Variants in AGPAT4 observed in about 807,000 individuals in gnomAD.
AGPAT4 encodes 1-acylglycerol-3-phosphate O-acyltransferase 4.
A neutral mutation model predicts 48.0 loss-of-function variants in AGPAT4; 15 were observed. That is an observed-to-expected ratio of 0.31 (90% confidence interval 0.21 to 0.48). The LOEUF (loss-of-function observed/expected upper bound fraction) is 0.48, where lower values mean the gene tolerates loss of function less well. AGPAT4 is among the 20% of genes least tolerant of loss of function. The probability of loss-of-function intolerance (pLI) is 0.99; values close to 1 mark genes in which losing one functional copy is unlikely to be tolerated. For missense variants in AGPAT4, 314 were observed against 482.5 expected, an observed-to-expected ratio of 0.65 and a Z score of 3.27; for synonymous variants, 178 against 198.7, an observed-to-expected ratio of 0.90 and a Z score of 0.88.
rs982396401 is a variant in AGPAT4 at position 161,184,361 on chromosome 6, T to C, written c.179-17944A>G. On this transcript the variant is annotated intron_variant, in intron 2 of 8. Coordinates refer to ENST00000320285, the MANE Select transcript of AGPAT4 (RefSeq NM_020133.3). This position sits in a 1 kb window ranked among gnomAD's most constrained non-coding sequence, Gnocchi z 4.8. ...ACAGAGGAGAATTCAGGAGTGAAGCTAAGGTTTTTGTCCTGAATAGCTGGG... is the reference window on the plus strand; with the variant it reads ...ACAGAGGAGAATTCAGGAGTGAAGCCAAGGTTTTTGTCCTGAATAGCTGGG... Among the ~76,000 whole-genome samples the C allele has an allele frequency of 2.0e-5, 3 of 152,040 alleles. No homozygotes were observed. Among genetic ancestry groups the C allele is most frequent in the Non-Finnish European group, 4.4e-5 (3 of 68,006 alleles).
rs1020514354 is a variant in AGPAT4 at position 161,223,657 on chromosome 6, G to A, written c.178+8379C>T. 2.0e-5 allele frequency among the ~76,000 whole-genome samples: 3 copies of A among 152,120 alleles called. No homozygotes were observed. Among genetic ancestry groups the A allele is most frequent in the African/African-American group, 7.2e-5 (3 of 41,424 alleles). ...GCTTCTCTTTTTATTCCATAGCCCCGTGGAGTGGCACCTCAGAGGCCACAG... is the reference window on the plus strand; with the variant it reads ...GCTTCTCTTTTTATTCCATAGCCCCATGGAGTGGCACCTCAGAGGCCACAG... On this transcript the variant is annotated intron_variant, in intron 2 of 8. Transcript: ENST00000320285. The surrounding 1 kb of genome is among the most constrained non-coding windows in gnomAD (Gnocchi z 6.3).
chr6:161,181,647 G>A (rs1780595867), intron 2 of AGPAT4, among the ~76,000 whole-genome samples: 1 of 152,150 alleles, frequency 6.6e-6, no homozygotes, highest in African/African-American at 2.4e-5. Context: ...GCACGATCAT[G>A]GCTCACTGCA....
intron 2 of AGPAT4, among the ~76,000 whole-genome samples, chr6:161,181,657 A>C (rs1780596227): frequency 6.6e-6 from 1 of 152,120 alleles, no homozygotes; most frequent in South Asian, 2.1e-4. Context: ...GGCTCACTGC[A>C]ATCTCTGCAA....
In AGPAT4 at chr6:161,272,580, T is replaced by C. The variant is rs564801429; in HGVS notation, c.-90+1358A>G. On this transcript the variant is annotated intron_variant, in intron 1 of 8. Coordinates refer to ENST00000320285, the MANE Select transcript of AGPAT4 (RefSeq NM_020133.3). This position sits in a 1 kb window ranked among gnomAD's most constrained non-coding sequence, Gnocchi z 4.2. ...GCTTATTACTAAGTAGATAATAATT[T>C]TCTCATTTCATATTTTTTCTGAATA... Among the ~76,000 whole-genome samples the C allele has an allele frequency of 3.3e-5, 5 of 152,244 alleles. No individual in the cohort carries two copies. The highest frequency in any genetic ancestry group is 1.2e-4 in the African/African-American group (5 of 41,526).
rs1394489446 is a variant in AGPAT4, at chr6:161,201,972, C to CCACT, written c.178+30060_178+30063dup. Reference sequence around the variant, plus strand: ...CAGTAAGAAAGATGCTTACTAAAGGCCACTATAAGCCATTTAAGACTTATC... The same window carrying CCACT: ...CAGTAAGAAAGATGCTTACTAAAGGCCACTCACTATAAGCCATTTAAGACTTATC... On this transcript the variant is annotated intron_variant, in intron 2 of 8. Coordinates refer to ENST00000320285, the MANE Select transcript of AGPAT4 (RefSeq NM_020133.3). The surrounding 1 kb of genome is among the most constrained non-coding windows in gnomAD (Gnocchi z 6.0). Among the ~76,000 whole-genome samples the CCACT allele has an allele frequency of 6.6e-6, 1 of 152,148 alleles. No individual in the cohort carries two copies. Among genetic ancestry groups the CCACT allele is most frequent in the East Asian group, 1.9e-4 (1 of 5,196 alleles).
chr6:161,232,474 T>G lies in AGPAT4; in HGVS notation c.-89-172A>C, dbSNP rs1782147906. ...AGTGCTTACTTCCTGTCGAGCATAG[T>G]CTAAGCCCTTTAACAATAATCCTTC... is the stretch of plus-strand genomic sequence containing the variant. On this transcript the variant is annotated intron_variant, in intron 1 of 8. Transcript: ENST00000320285. This position sits in a 1 kb window ranked among gnomAD's most constrained non-coding sequence, Gnocchi z 6.8. Among the ~76,000 whole-genome samples, 1 of 152,202 alleles carries G rather than the reference T, an allele frequency of 6.6e-6. No individual in the cohort carries two copies. Among genetic ancestry groups the G allele is most frequent in the Non-Finnish European group, 1.5e-5 (1 of 68,044 alleles).
rs1280031131 is a variant in AGPAT4, at chr6:161,134,254, C to T, written c.*2286G>A. ...CATTCCTCCAGCCTGGAACCCAAGG[C>T]CCTAGCAGGCAGGCTGTTTGCTTGC... On this transcript the variant is annotated 3_prime_UTR_variant, in exon 9 of 9. Coordinates refer to ENST00000320285, the MANE Select transcript of AGPAT4 (RefSeq NM_020133.3). 6.6e-6 allele frequency: 1 copy of T among 152,126 alleles called. No individual in the cohort carries two copies. The highest frequency in any genetic ancestry group is 1.5e-5 in the Non-Finnish European group (1 of 68,026). 9.4% of individuals were successfully genotyped at this position (152,126 alleles called of 1,614,324 possible).
chr6:161,150,119 T>A (rs11965825), intron 5 of AGPAT4, among the ~76,000 whole-genome samples: 2 of 152,080 alleles, frequency 1.3e-5, no homozygotes. Context: ...AGGAATTGGA[T>A]TGTAGTCAGT....
At position 161,159,573 on chromosome 6, in the gene AGPAT4, G is replaced by C. The variant is rs976589499; in HGVS notation, c.349-5263C>G. On this transcript the variant is annotated intron_variant, in intron 3 of 8. Transcript: ENST00000320285. The surrounding 1 kb of genome is among the most constrained non-coding windows in gnomAD (Gnocchi z 4.1). The stretch of plus-strand genomic sequence containing the variant: ...TTATAGCAAAATGCAGAAAAGACTG[G>C]AGCTCAAAATAATGAATCAGTTTGT... Among the ~76,000 whole-genome samples, 1 of 152,158 alleles carries C rather than the reference G, an allele frequency of 6.6e-6. No individual in the cohort carries two copies. Among genetic ancestry groups the C allele is most frequent in the Non-Finnish European group, 1.5e-5 (1 of 68,042 alleles).
At position 161,146,752 on chromosome 6, in the gene AGPAT4, G is replaced by A. The variant is rs1449611591; in HGVS notation, c.768-153C>T. Among the ~76,000 whole-genome samples, 2 of 152,158 alleles carry A rather than the reference G, an allele frequency of 1.3e-5. No individual in the cohort carries two copies. The highest frequency in any genetic ancestry group is 6.5e-5 in the Admixed American group (1 of 15,280). Reference sequence around the variant, plus strand: ...AATGCAAGTGATAGAAAGAAGGGGCGTTCCACATCCACACTGGAGAAACAG... The same window carrying A: ...AATGCAAGTGATAGAAAGAAGGGGCATTCCACATCCACACTGGAGAAACAG... On this transcript the variant is annotated intron_variant, in intron 6 of 8. Coordinates refer to ENST00000320285, the MANE Select transcript of AGPAT4 (RefSeq NM_020133.3). This position sits in a 1 kb window ranked among gnomAD's most constrained non-coding sequence, Gnocchi z 7.1.
chr6:161,237,493 T>C (rs1782321045), intron 1 of AGPAT4, among the ~76,000 whole-genome samples: 1 of 152,154 alleles, frequency 6.6e-6, no homozygotes, highest in African/African-American at 2.4e-5. Context: ...GGGGGTTAAA[T>C]ACATAGGGGA....
chr6:161,146,388 G>T lies in AGPAT4; in HGVS notation c.843+136C>A. 1.4e-6 allele frequency: 1 copy of T among 701,944 alleles called. No homozygotes were observed. Among genetic ancestry groups the T allele is most frequent in the East Asian group, 2.6e-5 (1 of 38,278 alleles). 43.5% of individuals were successfully genotyped at this position (701,944 alleles called of 1,614,324 possible). A position where few individuals can be genotyped will look rare whatever the true frequency, so the allele number is the denominator to read the frequency against. On this transcript the variant is annotated intron_variant, in intron 7 of 8. Coordinates refer to ENST00000320285, the MANE Select transcript of AGPAT4 (RefSeq NM_020133.3). The surrounding 1 kb of genome is among the most constrained non-coding windows in gnomAD (Gnocchi z 7.1). ...GTCATGTTCTTCATTGCCAAGAGAG[G>T]GTCAGCTCCAGACTCACTAATAACT...
chr6:161,201,195 G>A lies in AGPAT4; in HGVS notation c.178+30841C>T, dbSNP rs1035012938. 6.6e-6 allele frequency among the ~76,000 whole-genome samples: 1 copy of A among 152,148 alleles called. No homozygotes were observed. The highest frequency in any genetic ancestry group is 1.5e-5 in the Non-Finnish European group (1 of 68,044). On this transcript the variant is annotated intron_variant, in intron 2 of 8. Coordinates refer to ENST00000320285, the MANE Select transcript of AGPAT4 (RefSeq NM_020133.3). This position sits in a 1 kb window ranked among gnomAD's most constrained non-coding sequence, Gnocchi z 6.0. ...ATGAGCTGGCAGGGGAGTGGGGATT[G>A]GAGGCTGTTCAAGAGAGACTTAATT...
chr6:161,242,187 G>A lies in AGPAT4; in HGVS notation c.-89-9885C>T, dbSNP rs985598200. Reference sequence around the variant, plus strand: ...TTCTCACATTATAGATGCGAAAACCGAGGTTTAGTTAGAGGAGGTGAAGTG... The same window carrying A: ...TTCTCACATTATAGATGCGAAAACCAAGGTTTAGTTAGAGGAGGTGAAGTG... On this transcript the variant is annotated intron_variant, in intron 1 of 8. Coordinates refer to ENST00000320285, the MANE Select transcript of AGPAT4 (RefSeq NM_020133.3). This position sits in a 1 kb window ranked among gnomAD's most constrained non-coding sequence, Gnocchi z 5.0. 6.6e-6 allele frequency among the ~76,000 whole-genome samples: 1 copy of A among 152,200 alleles called. No homozygotes were observed. Among genetic ancestry groups the A allele is most frequent in the Admixed American group, 6.5e-5 (1 of 15,278 alleles).
Position 161,132,065 on chromosome 6 carries a change from T to C in AGPAT4, c.*4475A>G, listed in dbSNP as rs1778917934. Reference sequence around the variant, plus strand: ...TGTGCTGGCTTGGGGGATCCTGTGATGACTGGAACCTGGGCCTTCATTACG... The same window carrying C: ...TGTGCTGGCTTGGGGGATCCTGTGACGACTGGAACCTGGGCCTTCATTACG... On this transcript the variant is annotated 3_prime_UTR_variant, in exon 9 of 9. Coordinates refer to ENST00000320285, the MANE Select transcript of AGPAT4 (RefSeq NM_020133.3). 6.6e-6 allele frequency: 1 copy of C among 151,676 alleles called. No homozygotes were observed. The highest frequency in any genetic ancestry group is 6.6e-5 in the Admixed American group (1 of 15,058). 9.4% of individuals were successfully genotyped at this position (151,676 alleles called of 1,614,324 possible).
At position 161,136,452 on chromosome 6, in the gene AGPAT4, C is replaced by G. The variant is rs1779068495; in HGVS notation, c.*88G>C. 1 of 1,272,034 alleles carries G rather than the reference C, an allele frequency of 7.9e-7. No individual in the cohort carries two copies. The highest frequency in any genetic ancestry group is 1.5e-5 in the African/African-American group (1 of 68,590). 78.8% of individuals were successfully genotyped at this position (1,272,034 alleles called of 1,614,324 possible). A position where few individuals can be genotyped will look rare whatever the true frequency, so the allele number is the denominator to read the frequency against. The stretch of plus-strand genomic sequence containing the variant: ...CCGCCGTGCCCAGCAGGGGCTCACC[C>G]AGCCTTTGTCACCGTGTCCCACTAA... On this transcript the variant is annotated 3_prime_UTR_variant, in exon 9 of 9. Coordinates refer to ENST00000320285, the MANE Select transcript of AGPAT4 (RefSeq NM_020133.3).
At chr6:161,193,898 G>A (rs1351651014) in intron 2 of AGPAT4, among the ~76,000 whole-genome samples, 1 of 152,160 alleles carries the variant, frequency 6.6e-6, no homozygotes, top group Admixed American at 6.5e-5. Context: ...AAGAAGAGTT[G>A]GGCAAAATAA....
rs774492251 is a variant in AGPAT4, at chr6:161,141,320, TC to T, written c.844-1701del. On this transcript the variant is annotated intron_variant, in intron 7 of 8. Transcript: ENST00000320285. The surrounding 1 kb of genome is among the most constrained non-coding windows in gnomAD (Gnocchi z 6.7). ...GGGGCTCTCAGGGGAAGTCACATCA[TC>T]AAGCAACTGAAGAACAATCAACGTG... Among the ~76,000 whole-genome samples, 1 of 152,056 alleles carries T rather than the reference TC, an allele frequency of 6.6e-6. No individual in the cohort carries two copies. Among genetic ancestry groups the T allele is most frequent in the Non-Finnish European group, 1.5e-5 (1 of 68,018 alleles).
rs1220070883 is a variant in AGPAT4 at position 161,225,041 on chromosome 6, G to C, written c.178+6995C>G. Among the ~76,000 whole-genome samples, 1 of 149,190 alleles carries C rather than the reference G, an allele frequency of 6.7e-6. No homozygotes were observed. The highest frequency in any genetic ancestry group is 1.5e-5 in the Non-Finnish European group (1 of 67,398). ...TCACCCTGACTCCTTCCAACTACCT[G>C]CTCCACCCTGACTCATTCCGATTAC... On this transcript the variant is annotated intron_variant, in intron 2 of 8. Coordinates refer to ENST00000320285, the MANE Select transcript of AGPAT4 (RefSeq NM_020133.3). The surrounding 1 kb of genome is among the most constrained non-coding windows in gnomAD (Gnocchi z 5.0).
Sources: allele counts gnomAD v4.1 joint callset (sites outside exome capture counted in the v4.1 genomes callset), GRCh38; gene constraint gnomAD v4.1.1; non-coding constraint Gnocchi (gnomAD v3.1); transcripts MANE v1.5; gene names NCBI Gene and HGNC (gene_info 2026-07-23, HGNC 2026-07-21).